PPFIA2: variants seen among roughly 807,000 people sequenced by gnomAD.
The protein encoded by PPFIA2 is liprin-alpha-2.
In PPFIA2, 46 loss-of-function variants were observed where a neutral mutation model predicts 175.5. That is an observed-to-expected ratio of 0.26 (90% CI 0.21 to 0.34). PPFIA2 has a LOEUF of 0.34. Among genes scored for constraint, PPFIA2 ranks in the 10% least tolerant of loss-of-function variants. PPFIA2 has a pLI of 1.00. For synonymous variants in PPFIA2, 568 were observed against 511.4 expected (o/e 1.11, Z -1.49); for missense variants, 1,179 against 1,506.1 (o/e 0.78, Z 3.60).
chr12:81,651,322 G>A (rs568902828), intron 4 of PPFIA2, among the ~76,000 whole-genome samples: 1 of 152,198 alleles, frequency 6.6e-6, no homozygotes, highest in Admixed American at 6.5e-5. Flanking sequence ...AACCAAGAGA[G>A]ATGGAAAAAC....
At chr12:81,678,142 T>C (rs1349970220) in intron 3 of PPFIA2, among the ~76,000 whole-genome samples, 2 of 151,798 alleles carry the variant, frequency 1.3e-5, no homozygotes, top group African/African-American at 4.8e-5. Context: ...CTCTTATCTG[T>C]TTGCATCTAG....
chr12:81,710,019 A>C (rs1389050559), intron 3 of PPFIA2, among the ~76,000 whole-genome samples: 1 of 152,004 alleles, frequency 6.6e-6, no homozygotes, highest in Non-Finnish European at 1.5e-5. Context: ...GATAATATAT[A>C]ATTTCTTTTT....
chr12:81,465,514 T>C (rs1460604275), intron 4 of PPFIA2, among the ~76,000 whole-genome samples: 3 of 152,210 alleles, frequency 2.0e-5, no homozygotes, highest in Non-Finnish European at 1.5e-5. Flanking sequence ...TTTTTTATAA[T>C]GACTTCCTTA....
intron 4 of PPFIA2, among the ~76,000 whole-genome samples, chr12:81,473,341 G>A (rs1233069362): frequency 7.9e-5 from 12 of 152,102 alleles, no homozygotes; most frequent in African/African-American, 1.2e-4. Context: ...CCCGGGAGGC[G>A]GAGGTTGCAG....
At chr12:81,292,213 T>A (rs146187993) in intron 24 of PPFIA2, 1 of 152,238 alleles carries the variant, frequency 6.6e-6, no homozygotes, top group East Asian at 1.9e-4. Flanking sequence ...GGGAGGAAAA[T>A]GTGGATATAA....
intron 4 of PPFIA2, among the ~76,000 whole-genome samples, chr12:81,462,260 T>C (rs1341058011): frequency 7.5e-6 from 1 of 134,006 alleles, no homozygotes; most frequent in Non-Finnish European, 1.5e-5. Context: ...CTAACATATA[T>C]ATATATATAT....
chr12:81,612,566 C>T (rs1056733229), intron 4 of PPFIA2, among the ~76,000 whole-genome samples: 2 of 152,174 alleles, frequency 1.3e-5, no homozygotes, highest in African/African-American at 4.8e-5. Flanking sequence ...TTAGCTAACT[C>T]ACCATTCATT....
intron 7 of PPFIA2, among the ~76,000 whole-genome samples, chr12:81,416,467 T>C (rs2045281855): frequency 6.6e-6 from 1 of 151,586 alleles, no homozygotes; most frequent in East Asian, 1.9e-4. Context: ...GTTTTGAATT[T>C]CATAAAGAAA....
chr12:81,743,677 C>CT (rs2082657636), intron 3 of PPFIA2, among the ~76,000 whole-genome samples: 1 of 151,924 alleles, frequency 6.6e-6, no homozygotes, highest in East Asian at 1.9e-4. Flanking sequence ...AAAAGTTGAC[C>CT]TTTTCTAGGA....
intron 4 of PPFIA2, among the ~76,000 whole-genome samples, chr12:81,542,703 T>C (rs1334430513): frequency 6.6e-6 from 1 of 152,156 alleles, no homozygotes; most frequent in African/African-American, 2.4e-5. Context: ...AATATAAATA[T>C]TTCTATGTTC....
At position 81,437,384 on chromosome 12, in the gene PPFIA2, C is replaced by T. The variant is rs1398536169; in HGVS notation, c.645+2588G>A. 8.0e-5 allele frequency among the ~76,000 whole-genome samples: 12 copies of T among 150,650 alleles called. No individual in the cohort carries two copies. In the East Asian group the frequency reaches 9.7e-4, roughly 12 times the overall value. ...AGCTGGGACTACAGGCACCCGCCAC[C>T]AAGCCCAGCTAATTTTTTGTATTTT... On this transcript the variant is annotated intron_variant, in intron 7 of 32. Transcript: ENST00000549396.
chr12:81,328,775 A>G (rs1464155662), intron 21 of PPFIA2, among the ~76,000 whole-genome samples: 1 of 151,542 alleles, frequency 6.6e-6, no homozygotes, highest in African/African-American at 2.4e-5. Context: ...TTCATTAAAT[A>G]GAGAAACTGC....
chr12:81,260,107 G>C (rs1230258418), intron 32 of PPFIA2: 1 of 153,024 alleles, frequency 6.5e-6, no homozygotes, highest in African/African-American at 2.4e-5. Context: ...GTTTGTGTCA[G>C]TAGTATGGCA....
At chr12:81,488,585 C>T (rs1316745823) in intron 4 of PPFIA2, among the ~76,000 whole-genome samples, 2 of 151,810 alleles carry the variant, frequency 1.3e-5, no homozygotes, top group African/African-American at 2.4e-5. Context: ...TCTTAAGACA[C>T]TGATTTTACT....
At chr12:81,394,226 G>T (rs1224752081) in intron 8 of PPFIA2, among the ~76,000 whole-genome samples, 2 of 151,868 alleles carry the variant, frequency 1.3e-5, no homozygotes, top group African/African-American at 2.4e-5. Context: ...GATAACTTAG[G>T]CAGAACAACA....
At chr12:81,609,624 G>T (rs2060685614) in intron 4 of PPFIA2, among the ~76,000 whole-genome samples, 1 of 152,088 alleles carries the variant, frequency 6.6e-6, no homozygotes, top group African/African-American at 2.4e-5. Flanking sequence ...CCATTTGCAT[G>T]GTAGATCTTT....
At chr12:81,516,822 T>C (rs1187474898) in intron 4 of PPFIA2, among the ~76,000 whole-genome samples, 1 of 152,180 alleles carries the variant, frequency 6.6e-6, no homozygotes, top group East Asian at 1.9e-4. Context: ...AAAATTGTTT[T>C]ATTATGTTTT....
chr12:81,360,597 A>G lies in PPFIA2; in HGVS notation c.1637+2096T>C, dbSNP rs540099104. 4.6e-5 allele frequency among the ~76,000 whole-genome samples: 7 copies of G among 151,734 alleles called. No homozygotes were observed. The South Asian group carries it at 1.2e-3, about 27-fold the overall frequency. ...TTAAGAGAGAAGAGTGGTCACTGATATTCACTCACCTTAGCTTATCTCTCC... is the reference window on the plus strand; with the variant it reads ...TTAAGAGAGAAGAGTGGTCACTGATGTTCACTCACCTTAGCTTATCTCTCC... On this transcript the variant is annotated intron_variant, in intron 15 of 32. Coordinates refer to ENST00000549396, the MANE Select transcript of PPFIA2 (RefSeq NM_003625.5).
At chr12:81,613,579 A>T (rs1378882906) in intron 4 of PPFIA2, among the ~76,000 whole-genome samples, 2 of 152,180 alleles carry the variant, frequency 1.3e-5, no homozygotes, top group Admixed American at 1.3e-4. Flanking sequence ...TGCAGTAATC[A>T]TTAAATCAAG....
Sources: gnomAD v4.1 joint callset for allele counts (sites outside exome capture counted in the v4.1 genomes callset) on GRCh38, gnomAD v4.1.1 for gene constraint, MANE v1.5 for transcripts, NCBI Gene and HGNC (gene_info 2026-07-23, HGNC 2026-07-21) for gene names.